The following ARHGAP6 variants were observed in gnomAD, a reference collection of about 807,000 sequenced individuals.
ARHGAP6 encodes Rho GTPase activating protein 6, also known as rho GTPase-activating protein 6.
ARHGAP6 carries 16 observed loss-of-function variants against 55.7 expected under a neutral mutation model. The ratio of observed to expected loss-of-function variants is 0.29; its 90% CI spans 0.19 to 0.44. The LOEUF (loss-of-function observed/expected upper bound fraction) is 0.44. Ranked by LOEUF, ARHGAP6 falls within the 20% of genes least tolerant of loss-of-function variation. The probability of loss-of-function intolerance (pLI) is 1.00; values close to 1 mark genes in which losing one functional copy is unlikely to be tolerated. For synonymous variants in ARHGAP6, 382 were observed against 360.9 expected (o/e 1.06, Z -0.66); for missense variants, 698 against 808.9 (o/e 0.86, Z 1.66).
chrX:11,647,526 TAC>T (rs2052542898), intron 1 of ARHGAP6, among the ~76,000 whole-genome samples: 2 of 111,664 alleles, frequency 1.8e-5, no homozygotes, highest in Admixed American at 1.9e-4. Flanking sequence ...GAATCCAAAT[TAC>T]AGAGAAAGAG....
intron 1 of ARHGAP6, 52 bp from the exon 2 acceptor site, chrX:11,254,759 T>C (rs1285564761): frequency 9.4e-7 from 1 of 1,060,066 alleles, no homozygotes; most frequent in East Asian, 3.3e-5. Flanking sequence ...CAGAGTTCAC[T>C]TACCTCTCAC....
chrX:11,471,754 C>T (rs1210714806), intron 1 of ARHGAP6, among the ~76,000 whole-genome samples: 1 of 111,368 alleles, frequency 9.0e-6, no homozygotes, highest in Admixed American at 9.5e-5. Flanking sequence ...GGGAATCATC[C>T]TTGGGGGAAG....
chrX:11,381,524 A>C (rs2049262861), intron 1 of ARHGAP6, among the ~76,000 whole-genome samples: 1 of 112,072 alleles, frequency 8.9e-6, no homozygotes, highest in South Asian at 3.7e-4. Flanking sequence ...AACAAAAGTA[A>C]CCAAGGGGGC....
At chrX:11,596,438 G>GTAT (rs2051904464) in intron 1 of ARHGAP6, among the ~76,000 whole-genome samples, 2 of 111,250 alleles carry the variant, frequency 1.8e-5, no homozygotes, top group Non-Finnish European at 3.8e-5. Context: ...TGGGGGAGTA[G>GTAT]GGGAGGGATA....
At chrX:11,377,865 T>C (rs1054385499) in intron 1 of ARHGAP6, among the ~76,000 whole-genome samples, 8 of 111,476 alleles carry the variant, frequency 7.2e-5, no homozygotes, top group African/African-American at 2.6e-4. Context: ...ACACAGGACA[T>C]AGATCTCAGA....
chrX:11,294,840 C>T, intron 1 of ARHGAP6: 1 of 1,211,043 alleles, frequency 8.3e-7, no homozygotes, highest in Non-Finnish European at 1.1e-6. Flanking sequence ...TTTTGCCATG[C>T]CTGTGAGTAA....
At chrX:11,514,380 C>T (rs369763421) in intron 1 of ARHGAP6, among the ~76,000 whole-genome samples, 2 of 109,756 alleles carry the variant, frequency 1.8e-5, no homozygotes, top group Admixed American at 9.8e-5. Flanking sequence ...CTCAATTTAC[C>T]ACTACTCATA....
chrX:11,143,647 C>T (rs1602723378), intron 11 of ARHGAP6: 2 of 992,853 alleles, frequency 2.0e-6, no homozygotes, highest in Non-Finnish European at 2.5e-6. Context: ...ATATGCAACC[C>T]AAATCCAGTA....
chrX:11,211,522 G>A lies in ARHGAP6; in HGVS notation c.749-14526C>T, dbSNP rs770946226. On this transcript the variant is annotated intron_variant, in intron 2 of 12. Transcript: ENST00000337414. Reference sequence around the variant, plus strand: ...TGGGATTACAGGCGTGGGCCACTGCGCCTGGCCTATGAGAACAGTTTTGTT... The same window carrying A: ...TGGGATTACAGGCGTGGGCCACTGCACCTGGCCTATGAGAACAGTTTTGTT... Among the ~76,000 whole-genome samples the A allele has an allele frequency of 6.4e-5, 7 of 108,961 alleles. No individual in the cohort carries two copies. The South Asian group carries it at 2.8e-3, about 43-fold the overall frequency. The allele number at this position is 108,961 out of a possible 115,157, so 94.6% of individuals were successfully genotyped here. A position where few individuals can be genotyped will look rare whatever the true frequency, so the allele number is the denominator to read the frequency against.
chrX:11,513,109 T>C (rs1248482041), intron 1 of ARHGAP6, among the ~76,000 whole-genome samples: 2 of 111,708 alleles, frequency 1.8e-5, no homozygotes, highest in Non-Finnish European at 3.8e-5. Flanking sequence ...TCCAGGGATA[T>C]AGTAGTGAAA....
At chrX:11,527,353 C>A (rs967197723) in intron 1 of ARHGAP6, among the ~76,000 whole-genome samples, 3 of 112,178 alleles carry the variant, frequency 2.7e-5, no homozygotes, top group Non-Finnish European at 5.6e-5. Context: ...GTGGCTCACA[C>A]TTGTAATCCC....
chrX:11,409,503 C>G (rs183064083), intron 1 of ARHGAP6, among the ~76,000 whole-genome samples: 2 of 112,170 alleles, frequency 1.8e-5, no homozygotes, highest in East Asian at 5.6e-4. Context: ...CAAGGTGACA[C>G]TGTGAAGGTG....
rs138396280 is a variant in ARHGAP6 at position 11,539,693 on chromosome X, A to G, written c.588+124548T>C. Among the ~76,000 whole-genome samples the G allele has an allele frequency of 2.7e-3, 300 of 111,770 alleles. 1 individual carries two copies. Among genetic ancestry groups the G allele is most frequent in the Non-Finnish European group, 1.5e-3 (78 of 53,126 alleles). On this transcript the variant is annotated intron_variant, in intron 1 of 12. Transcript: ENST00000337414. ...AAAATACCCACATTCAATAAATGTT[A>G]GTGGAGTGCCTAACTACGGCCTCCC...
At chrX:11,230,809 A>G (rs1218440435) in intron 2 of ARHGAP6, among the ~76,000 whole-genome samples, 1 of 111,109 alleles carries the variant, frequency 9.0e-6, no homozygotes, top group Non-Finnish European at 1.9e-5. Flanking sequence ...TTAGTTCACA[A>G]CAAATTGATC....
At position 11,552,555 on chromosome X, in the gene ARHGAP6, CATATATATATATATATATAT is replaced by C. The variant is rs59008705; in HGVS notation, c.588+111666_588+111685del. 4.1e-3 allele frequency among the ~76,000 whole-genome samples: 52 copies of C among 12,538 alleles called. 1 individual carries two copies. Among genetic ancestry groups the C allele is most frequent in the African/African-American group, 0.012 (38 of 3,302 alleles). 10.9% of individuals were successfully genotyped at this position (12,538 alleles called of 115,157 possible). ...GGATGAACTGATAAAGAAAATGTGC[CATATATATATATATATATAT>C]ATATATATATATATATATATATATA... On this transcript the variant is annotated intron_variant, in intron 1 of 12. Coordinates refer to ENST00000337414, the MANE Select transcript of ARHGAP6 (RefSeq NM_013427.3).
chrX:11,447,410 C>A (rs1488629416), intron 1 of ARHGAP6, among the ~76,000 whole-genome samples: 1 of 112,320 alleles, frequency 8.9e-6, no homozygotes, highest in Non-Finnish European at 1.9e-5. Context: ...CCTTTATTAT[C>A]TTAGATCAGG....
intron 2 of ARHGAP6, among the ~76,000 whole-genome samples, chrX:11,213,418 A>G (rs1011623848): frequency 2.7e-5 from 3 of 112,773 alleles, no homozygotes; most frequent in African/African-American, 9.7e-5. Context: ...CCAAAGGAAA[A>G]TAAATCATTA....
intron 1 of ARHGAP6, among the ~76,000 whole-genome samples, chrX:11,284,683 T>C (rs1345656465): frequency 1.8e-5 from 2 of 112,064 alleles, no homozygotes; most frequent in South Asian, 3.8e-4. Flanking sequence ...ACTGTGGATA[T>C]TGACATGCTC....
chrX:11,598,837 G>T (rs757447904), intron 1 of ARHGAP6, among the ~76,000 whole-genome samples: 27 of 111,580 alleles, frequency 2.4e-4, no homozygotes, highest in Non-Finnish European at 4.9e-4. Flanking sequence ...TGGGAGGGTT[G>T]CTTGAACACA....
Sources: allele counts gnomAD v4.1 joint callset (sites outside exome capture counted in the v4.1 genomes callset), GRCh38; gene constraint gnomAD v4.1.1; transcripts MANE v1.5; gene names NCBI Gene and HGNC (gene_info 2026-07-23, HGNC 2026-07-21).